Variants in ZCCHC2 observed in about 807,000 individuals in gnomAD.
ZCCHC2 encodes zinc finger CCHC-type containing 2.
A neutral mutation model predicts 103.6 loss-of-function variants in ZCCHC2; 39 were observed. The ratio of observed to expected loss-of-function variants is 0.38; its 90% CI spans 0.29 to 0.49. ZCCHC2 has a LOEUF of 0.49. Among genes scored for constraint, ZCCHC2 ranks in the 20% least tolerant of loss-of-function variants. The probability of loss-of-function intolerance (pLI) is 0.96; values close to 1 mark genes in which losing one functional copy is unlikely to be tolerated. For synonymous variants in ZCCHC2, 687 were observed against 608.9 expected, an observed-to-expected ratio of 1.13 and a Z score of -1.89; for missense variants, 1,483 against 1,491.0, an observed-to-expected ratio of 0.99 and a Z score of 0.09.
chr18:62,546,135 T>C (rs1275543094), intron 4 of ZCCHC2, among the ~76,000 whole-genome samples: 1 of 152,234 alleles, frequency 6.6e-6, no homozygotes, highest in Non-Finnish European at 1.5e-5. Flanking sequence ...CATTTCCAGA[T>C]GCTAGAGGCC....
At position 62,574,161 on chromosome 18, in the gene ZCCHC2, G is replaced by A. The variant is rs752296181; in HGVS notation, c.2080G>A (p.Ala694Thr). 2 of 1,614,018 alleles carry A rather than the reference G, an allele frequency of 1.2e-6. No homozygotes were observed. The change falls in exon 13 of 14, where the codon GCT becomes ACT. Residue 694 changes from alanine to threonine, a missense_variant. Physicochemically the swap from Ala to Thr is moderately conservative, Grantham distance 58. This residue lies in a region of ZCCHC2 where 884 missense variants were observed against 907.5 expected (regional missense o/e 0.97). Transcript: ENST00000269499. ...CACTGTCAAGCCACCTGTTCAAATT[G>A]CTTCACTAGGAAATGAGAATGGAAA... ...TVTVKPPVQI[A>T]SLGNENGNLL... is the part of the protein sequence containing the mutation.
rs1236305431 is a variant in ZCCHC2 at position 62,542,499 on chromosome 18, T to C, written c.1053T>C (p.Ala351=). 1 of 1,559,330 alleles carries C rather than the reference T, an allele frequency of 6.4e-7. No individual in the cohort carries two copies. The highest frequency in any genetic ancestry group is 8.7e-7 in the Non-Finnish European group (1 of 1,150,348). ...TVAPHRAQRE[A]VHIEKIMLKG... Reference sequence around the variant, plus strand: ...CACCGTGTGTTTTTTTTCTTTCAGCTGTACACATTGAGAAGATAATGTTGA... The same window carrying C: ...CACCGTGTGTTTTTTTTCTTTCAGCCGTACACATTGAGAAGATAATGTTGA... The change falls in exon 3 of 14, where the codon GCT becomes GCC. Residue 351 remains alanine, a splice_region_variant and synonymous_variant. Transcript: ENST00000269499.
intron 1 of ZCCHC2, among the ~76,000 whole-genome samples, chr18:62,527,799 C>G (rs577156966): frequency 6.6e-6 from 1 of 152,156 alleles, no homozygotes; most frequent in Non-Finnish European, 1.5e-5. Flanking sequence ...AAATGGGTGT[C>G]TTCCTATTAT....
At chr18:62,559,991 A>T (rs927484555) in intron 7 of ZCCHC2, among the ~76,000 whole-genome samples, 1 of 152,264 alleles carries the variant, frequency 6.6e-6, no homozygotes, top group Non-Finnish European at 1.5e-5. Context: ...CATAGATTAC[A>T]TGCAAATACT....
At chr18:62,526,338 G>A (rs1167638958) in intron 1 of ZCCHC2, 5 of 152,312 alleles carry the variant, frequency 3.3e-5, no homozygotes, top group Admixed American at 3.3e-4. Context: ...CGTACTACAG[G>A]TGACACTGGG....
chr18:62,541,021 G>T (rs562884162), intron 2 of ZCCHC2, among the ~76,000 whole-genome samples: 1 of 152,202 alleles, frequency 6.6e-6, no homozygotes, highest in African/African-American at 2.4e-5. Context: ...ACCCTTGAGG[G>T]GACCAATGAT....
intron 5 of ZCCHC2, among the ~76,000 whole-genome samples, 183 bp from the exon 6 acceptor site, chr18:62,556,020 G>C (rs1455836438): frequency 4.6e-5 from 7 of 152,136 alleles, no homozygotes; most frequent in Non-Finnish European, 1.0e-4. Flanking sequence ...AATGAATTTT[G>C]TTAAATGTTA....
chr18:62,533,041 G>C (rs1034311067), intron 1 of ZCCHC2, among the ~76,000 whole-genome samples: 2 of 152,158 alleles, frequency 1.3e-5, no homozygotes, highest in Non-Finnish European at 2.9e-5. Flanking sequence ...TCATGCCACT[G>C]CACTCCAGCC....
intron 12 of ZCCHC2, among the ~76,000 whole-genome samples, chr18:62,573,302 T>C (rs1268649021): frequency 2.6e-5 from 4 of 152,278 alleles, no homozygotes; most frequent in South Asian, 4.1e-4. Flanking sequence ...TTGTCCCCTT[T>C]ATACCAAAAG....
intron 11 of ZCCHC2, among the ~76,000 whole-genome samples, chr18:62,567,397 T>C (rs1283940301): frequency 6.6e-6 from 1 of 152,246 alleles, no homozygotes; most frequent in African/African-American, 2.4e-5. Flanking sequence ...AGATTTGTAT[T>C]GTTTTACTTC....
rs563687016 is a variant in ZCCHC2 at position 62,523,553 on chromosome 18, C to CCCGCCG, written c.144_149dup (p.Pro49_Pro50dup). The CCCGCCG allele has an allele frequency of 0.04, 37,386 of 932,708 alleles. 691 individuals carry two copies. The highest frequency in any genetic ancestry group is 0.048 in the South Asian group (965 of 20,058). 57.8% of individuals were successfully genotyped at this position (932,708 alleles called of 1,614,324 possible). On this transcript the variant is annotated inframe_insertion, in exon 1 of 14. Coordinates refer to ENST00000269499, the MANE Select transcript of ZCCHC2 (RefSeq NM_017742.6). ...CGCGCCGCCGCCGCGACTGCCGCCC[C>CCCGCCG]CCGCCGCCGCCGCCGCCGCCCGCGG... is the stretch of plus-strand genomic sequence containing the variant.
At chr18:62,524,449 C>T (rs780804711) in intron 1 of ZCCHC2, 86 bp downstream of exon 1, 271 of 1,404,012 alleles carry the variant, frequency 1.9e-4, no homozygotes, top group Non-Finnish European at 2.3e-4. Context: ...GCCCCTTGCC[C>T]GAGCCCCAGC....
chr18:62,528,590 C>T (rs1471390653), intron 1 of ZCCHC2, among the ~76,000 whole-genome samples: 3 of 149,160 alleles, frequency 2.0e-5, no homozygotes, highest in Non-Finnish European at 3.0e-5. Context: ...CAGAGTGAGA[C>T]TGTCTCGGGA....
intron 9 of ZCCHC2, among the ~76,000 whole-genome samples, chr18:62,564,197 C>CAG (rs1916246431): frequency 6.6e-6 from 1 of 152,212 alleles, no homozygotes; most frequent in Non-Finnish European, 1.5e-5. Context: ...CCAGTGCCTG[C>CAG]ACCCTCTCTT....
intron 4 of ZCCHC2, among the ~76,000 whole-genome samples, chr18:62,546,812 C>T (rs779720402): frequency 4.6e-5 from 7 of 152,202 alleles, no homozygotes; most frequent in Non-Finnish European, 8.8e-5. Context: ...AATACAACTC[C>T]AAATAAGTAA....
rs1253662905 is a variant in ZCCHC2 at position 62,563,117 on chromosome 18, A to G, written c.1659A>G (p.Pro553=). 1 of 1,613,832 alleles carries G rather than the reference A, an allele frequency of 6.2e-7. No homozygotes were observed. ...RKQSCTTIQH[P]EHCVTSADQH... is the part of the protein sequence containing the mutation. ...AAAGCTGTACCACCATTCAACACCC[A>G]GAGCACTGTGTGACCTCGGCTGACC... Residue 553 remains proline, a synonymous_variant, in exon 9 of 14, where the codon CCA becomes CCG. Coordinates refer to ENST00000269499, the MANE Select transcript of ZCCHC2 (RefSeq NM_017742.6).
intron 9 of ZCCHC2, among the ~76,000 whole-genome samples, chr18:62,563,698 T>TA (rs1916222486): frequency 6.6e-6 from 1 of 152,172 alleles, no homozygotes; most frequent in Non-Finnish European, 1.5e-5. Context: ...TTAAAAATAA[T>TA]ACCTTCACTG....
intron 9 of ZCCHC2, among the ~76,000 whole-genome samples, chr18:62,563,493 T>TA (rs1292458725): frequency 3.9e-5 from 6 of 151,972 alleles, no homozygotes; most frequent in Non-Finnish European, 8.8e-5. Flanking sequence ...CCTGTCTGTA[T>TA]AAAAAATTTA....
chr18:62,564,508 G>T, intron 9 of ZCCHC2, 63 bp from the exon 10 acceptor site: 2 of 1,152,940 alleles, frequency 1.7e-6, no homozygotes, highest in South Asian at 3.1e-5. Flanking sequence ...TGTTTATTAT[G>T]AGAGTAAAAA....
Sources: gnomAD v4.1 joint callset for allele counts (sites outside exome capture counted in the v4.1 genomes callset) on GRCh38, gnomAD v4.1.1 for gene constraint, gnomAD v4.1.1 regional missense constraint, MANE v1.5 for transcripts, NCBI Gene and HGNC (gene_info 2026-07-23, HGNC 2026-07-21) for gene names.